GRID2: variants seen among roughly 807,000 people sequenced by gnomAD.
The protein encoded by GRID2 is glutamate ionotropic receptor delta type subunit 2, also known as glutamate receptor ionotropic, delta-2.
In GRID2, 33 loss-of-function variants were observed where a neutral mutation model predicts 114.8. The ratio of observed to expected loss-of-function variants is 0.29; its 90% CI spans 0.22 to 0.38. GRID2 has a LOEUF of 0.38. Among genes scored for constraint, GRID2 ranks in the 10% least tolerant of loss-of-function variants. The probability of loss-of-function intolerance (pLI) is 1.00; values close to 1 mark genes in which losing one functional copy is unlikely to be tolerated. For synonymous variants in GRID2, 505 were observed against 449.9 expected, an observed-to-expected ratio of 1.12 and a Z score of -1.55; for missense variants, 1,184 against 1,257.7, an observed-to-expected ratio of 0.94 and a Z score of 0.89.
intron 1 of GRID2, among the ~76,000 whole-genome samples, chr4:92,546,283 A>G: frequency 6.6e-6 from 1 of 152,152 alleles, no homozygotes; most frequent in East Asian, 1.9e-4. Flanking sequence ...AAAGAAAGGA[A>G]AAATATTGTC....
chr4:92,763,306 A>G (rs1738108915), intron 2 of GRID2, among the ~76,000 whole-genome samples: 1 of 152,218 alleles, frequency 6.6e-6, no homozygotes. Context: ...GGAGCTTACA[A>G]CTGAATGATA....
chr4:92,328,174 C>CT (rs2110138365), intron 1 of GRID2, among the ~76,000 whole-genome samples: 1 of 152,104 alleles, frequency 6.6e-6, no homozygotes, highest in East Asian at 1.9e-4. Context: ...TGTCTAACAG[C>CT]TGCATGTGGT....
At chr4:93,796,599 C>T (rs911487603) in intron 1 of GRID2, among the ~76,000 whole-genome samples, 11 of 152,052 alleles carry the variant, frequency 7.2e-5, no homozygotes, top group Non-Finnish European at 2.9e-5. Flanking sequence ...GCTAGAGTGC[C>T]GTGGCGCTAT....
At chr4:93,168,507 T>A (rs1216490598) in intron 4 of GRID2, among the ~76,000 whole-genome samples, 2 of 152,102 alleles carry the variant, frequency 1.3e-5, no homozygotes, top group Admixed American at 6.6e-5. Flanking sequence ...AATATATCAC[T>A]ACAAGTAGAA....
At chr4:92,938,608 C>T (rs1750846626) in intron 2 of GRID2, among the ~76,000 whole-genome samples, 1 of 146,110 alleles carries the variant, frequency 6.8e-6, no homozygotes, top group African/African-American at 2.4e-5. Flanking sequence ...TACATGTGCA[C>T]AATGTGCAGG....
chr4:92,784,654 CT>C (rs1470298685), intron 2 of GRID2, among the ~76,000 whole-genome samples: 1 of 151,592 alleles, frequency 6.6e-6, no homozygotes, highest in Admixed American at 6.6e-5. Flanking sequence ...AAAGTCAATA[CT>C]TTAGTGTTTG....
intron 1 of GRID2, among the ~76,000 whole-genome samples, chr4:92,448,331 T>A (rs953006712): frequency 1.3e-5 from 2 of 152,052 alleles, no homozygotes; most frequent in Non-Finnish European, 2.9e-5. Context: ...CATGCCACCA[T>A]GCCCATCTAA....
At chr4:93,205,219 T>C (rs1742571578) in intron 4 of GRID2, among the ~76,000 whole-genome samples, 1 of 152,092 alleles carries the variant, frequency 6.6e-6, no homozygotes, top group Admixed American at 6.6e-5. Flanking sequence ...AAGTGTTTTT[T>C]TTTTATTTTT....
At chr4:93,539,545 C>T (rs886304278) in intron 13 of GRID2, among the ~76,000 whole-genome samples, 8 of 151,974 alleles carry the variant, frequency 5.3e-5, no homozygotes, top group African/African-American at 1.4e-4. Context: ...TGTGTTAGGT[C>T]TCTTGTTTCA....
At chr4:93,036,495 ATAT>A (rs1377831495) in intron 2 of GRID2, among the ~76,000 whole-genome samples, 6 of 152,168 alleles carry the variant, frequency 3.9e-5, no homozygotes, top group Non-Finnish European at 2.9e-5. Context: ...TATTATAAAC[ATAT>A]TAATGAAAAT....
At chr4:93,554,446 T>A (rs1031947539) in intron 13 of GRID2, among the ~76,000 whole-genome samples, 2 of 152,126 alleles carry the variant, frequency 1.3e-5, no homozygotes, top group African/African-American at 2.4e-5. Context: ...TTTATTTTTT[T>A]AAATTTTTGG....
chr4:93,211,274 T>C (rs1743440778), intron 5 of GRID2, among the ~76,000 whole-genome samples: 1 of 152,128 alleles, frequency 6.6e-6, no homozygotes, highest in Non-Finnish European at 1.5e-5. Context: ...ATTGTATAGG[T>C]GTAGCCTGAA....
Position 93,316,339 on chromosome 4 carries a change from A to AGAAAGAAAGAAAGAAAGAAG in GRID2, c.1245+77852_1245+77853insAGAAAGAAAGAAAGAAGGAA, listed in dbSNP as rs1192535496. 6.0e-3 allele frequency among the ~76,000 whole-genome samples: 327 copies of AGAAAGAAAGAAAGAAAGAAG among 54,892 alleles called. 2 individuals are homozygous for AGAAAGAAAGAAAGAAAGAAG. The highest frequency in any genetic ancestry group is 0.023 in the Middle Eastern group (3 of 128). The allele number at this position is 54,892 out of a possible 152,430, so 36.0% of individuals were successfully genotyped here. A position where few individuals can be genotyped will look rare whatever the true frequency, so the allele number is the denominator to read the frequency against. On this transcript the variant is annotated intron_variant, in intron 8 of 15. Transcript: ENST00000282020. ...AAGAAAGAAAGAAAGAAAGAAAGAAAGAAGGAAGGAAGGAAGGAAGGAAAA... is the reference window on the plus strand; with the variant it reads ...AAGAAAGAAAGAAAGAAAGAAAGAAAGAAAGAAAGAAAGAAAGAAGGAAGGAAGGAAGGAAGGAAGGAAAA...
chr4:93,228,293 C>G (rs1282100124), intron 7 of GRID2, among the ~76,000 whole-genome samples: 3 of 152,094 alleles, frequency 2.0e-5, no homozygotes, highest in Non-Finnish European at 4.4e-5. Flanking sequence ...ACATGGCAAG[C>G]AAGCGCATGA....
At chr4:93,490,865 A>C in intron 12 of GRID2, 88 bp downstream of exon 12, 4 of 849,732 alleles carry the variant, frequency 4.7e-6, no homozygotes, top group East Asian at 2.6e-5. Context: ...GTGGTGTCTC[A>C]TAATAAATGT....
chr4:92,973,590 A>G (rs1753658820), intron 2 of GRID2, among the ~76,000 whole-genome samples: 1 of 152,196 alleles, frequency 6.6e-6, no homozygotes, highest in African/African-American at 2.4e-5. Context: ...TTCGACTGGA[A>G]CAAGTGTAGG....
intron 1 of GRID2, among the ~76,000 whole-genome samples, chr4:92,544,640 C>T (rs1726148994): frequency 6.6e-6 from 1 of 152,066 alleles, no homozygotes; most frequent in Non-Finnish European, 1.5e-5. Flanking sequence ...TTTTCATTTC[C>T]AGAAGAGAGA....
At chr4:93,120,724 C>T (rs962223488) in intron 4 of GRID2, among the ~76,000 whole-genome samples, 7 of 151,994 alleles carry the variant, frequency 4.6e-5, no homozygotes, top group East Asian at 1.9e-4. Flanking sequence ...GAGGCTGAGG[C>T]GGGTGGATCA....
At chr4:93,456,757 G>A (rs1723243401) in intron 11 of GRID2, among the ~76,000 whole-genome samples, 1 of 152,104 alleles carries the variant, frequency 6.6e-6, no homozygotes, top group African/African-American at 2.4e-5. Context: ...ATACTTTTGT[G>A]CTAATATTTA....
Sources: gnomAD v4.1 joint callset for allele counts (sites outside exome capture counted in the v4.1 genomes callset) on GRCh38, gnomAD v4.1.1 for gene constraint, MANE v1.5 for transcripts, NCBI Gene and HGNC (gene_info 2026-07-23, HGNC 2026-07-21) for gene names.